Variants in TRAT1 observed in about 807,000 individuals in gnomAD.
TRAT1 encodes T-cell receptor-associated transmembrane adapter 1.
TRAT1 carries 20 observed loss-of-function variants against 20.0 expected under a neutral mutation model. The observed-to-expected ratio is 1.00, with a 90% CI of 0.70 to 1.45. TRAT1 has a LOEUF of 1.45. Among genes scored for constraint, TRAT1 ranks in the 40% most tolerant of loss-of-function variants. The probability of loss-of-function intolerance (pLI) is 0.00; values close to 1 mark genes in which losing one functional copy is unlikely to be tolerated. For synonymous variants in TRAT1, 77 were observed against 74.2 expected (o/e 1.04, Z -0.20); for missense variants, 237 against 224.1 (o/e 1.06, Z -0.37).
chr3:108,853,641 T>A lies in TRAT1; in HGVS notation c.325T>A (p.Cys109Ser), dbSNP rs750117333. The change falls in exon 6 of 6, where the codon TGC becomes AGC. Residue 109 changes from cysteine (C) to serine (S), a missense_variant. Transcript: ENST00000295756. ...TTAGGCAACCAATGAAACACAGATG[T>A]GCTACGCCTCACTTGATCACAGCGT... ...SAQATNETQMCYASLDHSVKG... is the reference protein window; with the variant it reads ...SAQATNETQMSYASLDHSVKG... The A allele has an allele frequency of 1.2e-6, 2 of 1,613,954 alleles. No individual in the cohort carries two copies. The highest frequency in any genetic ancestry group is 8.5e-7 in the Non-Finnish European group (1 of 1,179,902).
intron 2 of TRAT1, among the ~76,000 whole-genome samples, chr3:108,831,217 G>A (rs901935987): frequency 5.3e-5 from 8 of 152,142 alleles, no homozygotes; most frequent in African/African-American, 1.2e-4. Flanking sequence ...ACAAAAGAGC[G>A]GGGTCAGAAG....
At chr3:108,838,755 C>G (rs1053450121) in intron 2 of TRAT1, among the ~76,000 whole-genome samples, 179 bp from the exon 3 acceptor site, 3 of 152,074 alleles carry the variant, frequency 2.0e-5, no homozygotes, top group African/African-American at 4.8e-5. Flanking sequence ...TGGTAAAAGG[C>G]AAATCTGATT....
intron 2 of TRAT1, among the ~76,000 whole-genome samples, chr3:108,835,920 TA>T (rs1945835879): frequency 6.6e-6 from 1 of 151,126 alleles, no homozygotes; most frequent in African/African-American, 2.4e-5. Flanking sequence ...TTTATTTATT[TA>T]TTTATTTATT....
At chr3:108,850,835 A>T (rs1322563740) in intron 5 of TRAT1, among the ~76,000 whole-genome samples, 1 of 152,240 alleles carries the variant, frequency 6.6e-6, no homozygotes, top group Non-Finnish European at 1.5e-5. Context: ...TAGTTGTAAA[A>T]GTACTGAGAA....
At chr3:108,839,639 T>C (rs920338116) in intron 3 of TRAT1, among the ~76,000 whole-genome samples, 2 of 147,878 alleles carry the variant, frequency 1.4e-5, no homozygotes, top group Non-Finnish European at 3.0e-5. Context: ...AGTGAGACTC[T>C]GTCTCAAGAA....
chr3:108,854,615 TG>T lies in TRAT1; in HGVS notation c.*740del, dbSNP rs746630549. 2.0e-5 allele frequency: 3 copies of T among 152,138 alleles called. No homozygotes were observed. The highest frequency in any genetic ancestry group is 2.9e-5 in the Non-Finnish European group (2 of 67,974). 9.4% of individuals were successfully genotyped at this position (152,138 alleles called of 1,614,324 possible). ...TTCTTTTTATTTTGAACCAAAAATG[TG>T]GTTTCTTTTGTACACATTACTTAAA... On this transcript the variant is annotated 3_prime_UTR_variant, in exon 6 of 6. Coordinates refer to ENST00000295756, the MANE Select transcript of TRAT1 (RefSeq NM_016388.4).
At chr3:108,831,538 C>CT (rs779234270) in intron 2 of TRAT1, among the ~76,000 whole-genome samples, 9,413 of 132,130 alleles carry the variant, frequency 0.071, 380 homozygotes, top group Middle Eastern at 0.11. Context: ...TGGAAGGTAT[C>CT]TTTTTTTTTT....
intron 1 of TRAT1, among the ~76,000 whole-genome samples, chr3:108,829,731 A>G (rs747997625): frequency 1.3e-5 from 2 of 152,132 alleles, no homozygotes; most frequent in Non-Finnish European, 2.9e-5. Flanking sequence ...TCATAGTGCA[A>G]TGCATTACTC....
intron 3 of TRAT1, among the ~76,000 whole-genome samples, chr3:108,842,523 C>T (rs796649244): frequency 1.1e-4 from 16 of 152,250 alleles, no homozygotes; most frequent in African/African-American, 3.1e-4. Context: ...AGTGTCTCTA[C>T]GTCTTCCAGC....
intron 1 of TRAT1, among the ~76,000 whole-genome samples, chr3:108,826,586 AC>A (rs1559819348): frequency 6.6e-6 from 1 of 152,136 alleles, no homozygotes; most frequent in Non-Finnish European, 1.5e-5. Flanking sequence ...CTTATTTAGC[AC>A]CAACCACCAC....
intron 2 of TRAT1, 32 bp from the exon 3 acceptor site, chr3:108,838,902 C>A: frequency 2.6e-6 from 4 of 1,554,122 alleles, no homozygotes; most frequent in East Asian, 2.2e-5. Flanking sequence ...GTCAACATTT[C>A]TTTTAACTTG....
chr3:108,851,466 C>T (rs1046467595), intron 5 of TRAT1, among the ~76,000 whole-genome samples: 9 of 152,124 alleles, frequency 5.9e-5, no homozygotes, highest in African/African-American at 2.2e-4. Flanking sequence ...TCAGAAGCAT[C>T]CTCTCTCCTT....
Position 108,853,969 on chromosome 3 carries a change from C to A in TRAT1, c.*92C>A. 1.6e-6 allele frequency: 2 copies of A among 1,262,342 alleles called. No homozygotes were observed. The highest frequency in any genetic ancestry group is 1.1e-6 in the Non-Finnish European group (1 of 882,878). The allele number at this position is 1,262,342 out of a possible 1,614,324, so 78.2% of individuals were successfully genotyped here. ...CAGAGGACACAGAAGGACTTGGCAGCAGGGTGATGACCTGATCATTTGTTG... is the reference window on the plus strand; with the variant it reads ...CAGAGGACACAGAAGGACTTGGCAGAAGGGTGATGACCTGATCATTTGTTG... On this transcript the variant is annotated 3_prime_UTR_variant, in exon 6 of 6. Transcript: ENST00000295756.
Position 108,822,877 on chromosome 3 carries a change from T to A in TRAT1, c.-51T>A, listed in dbSNP as rs774615519. On this transcript the variant is annotated 5_prime_UTR_variant, in exon 1 of 6. Coordinates refer to ENST00000295756, the MANE Select transcript of TRAT1 (RefSeq NM_016388.4). ...AAAAAGTTTGTAGGAGGATTTTTAA[T>A]CCATATATTTGTCTTATGGCTAGAT... The A allele has an allele frequency of 8.3e-6, 13 of 1,559,040 alleles. No homozygotes were observed. The highest frequency in any genetic ancestry group is 1.1e-5 in the Non-Finnish European group (12 of 1,133,696).
At chr3:108,836,446 A>T (rs1466687979) in intron 2 of TRAT1, among the ~76,000 whole-genome samples, 1 of 152,132 alleles carries the variant, frequency 6.6e-6, no homozygotes, top group African/African-American at 2.4e-5. Flanking sequence ...ATTAATGCTC[A>T]GCTGGTGACT....
chr3:108,849,716 C>G (rs1404974777), intron 5 of TRAT1, among the ~76,000 whole-genome samples: 1 of 152,168 alleles, frequency 6.6e-6, no homozygotes, highest in Non-Finnish European at 1.5e-5. Flanking sequence ...AATTTTAATA[C>G]AAGTCCTGTG....
rs964465020 is a variant in TRAT1, at chr3:108,825,849, T to G, written c.7+2915T>G. 9.9e-5 allele frequency among the ~76,000 whole-genome samples: 15 copies of G among 152,174 alleles called. 1 individual carries two copies. The highest frequency in any genetic ancestry group is 2.1e-4 in the Non-Finnish European group (14 of 68,014). On this transcript the variant is annotated intron_variant, in intron 1 of 5. Coordinates refer to ENST00000295756, the MANE Select transcript of TRAT1 (RefSeq NM_016388.4). ...CATAAAGTATTTTATTGGATGAAAG[T>G]TGCCATACAACCATGCCATCTTCAG...
In TRAT1 at chr3:108,853,625, C is replaced by T. The variant is rs756855363; in HGVS notation, c.309C>T (p.Thr103=). Residue 103 remains threonine, a synonymous_variant, in exon 6 of 6, where the codon ACC becomes ACT. Coordinates refer to ENST00000295756, the MANE Select transcript of TRAT1 (RefSeq NM_016388.4). ...TTAACATCCCTTTCTTTTAGGCAAC[C>T]AATGAAACACAGATGTGCTACGCCT... The part of the protein sequence containing the change: ...MQEATPSAQA[T]NETQMCYASL... 5.6e-6 allele frequency: 9 copies of T among 1,610,982 alleles called. No homozygotes were observed. Among genetic ancestry groups the T allele is most frequent in the South Asian group, 2.2e-5 (2 of 90,804 alleles).
intron 1 of TRAT1, among the ~76,000 whole-genome samples, chr3:108,828,110 A>G (rs1436579599): frequency 6.6e-6 from 1 of 152,134 alleles, no homozygotes; most frequent in Non-Finnish European, 1.5e-5. Context: ...AAAAAATAAG[A>G]TTAGGGCTTT....
Sources: gnomAD v4.1 joint callset for allele counts (sites outside exome capture counted in the v4.1 genomes callset) on GRCh38, gnomAD v4.1.1 for gene constraint, MANE v1.5 for transcripts, NCBI Gene and HGNC (gene_info 2026-07-23, HGNC 2026-07-21) for gene names.